Variants in STPG2 observed in about 807,000 individuals in gnomAD.
STPG2 encodes the protein sperm-tail PG-rich repeat-containing protein 2.
Under a neutral mutation model 54.2 loss-of-function variants are expected in STPG2, and 56 were observed. That is an observed-to-expected ratio of 1.03 (90% CI 0.83 to 1.29). The LOEUF (loss-of-function observed/expected upper bound fraction) is 1.29. Among genes scored for constraint, STPG2 ranks in the 50% most tolerant of loss-of-function variants. The probability of loss-of-function intolerance (pLI) is 0.00; values close to 1 mark genes in which losing one functional copy is unlikely to be tolerated. For missense variants in STPG2, 596 were observed against 544.9 expected (o/e 1.09, Z -0.93); for synonymous variants, 200 against 181.8 (o/e 1.10, Z -0.81).
At chr4:97,855,906 C>G (rs1729320088) in intron 8 of STPG2, among the ~76,000 whole-genome samples, 2 of 152,122 alleles carry the variant, frequency 1.3e-5, no homozygotes, top group South Asian at 4.1e-4. Flanking sequence ...CTTTTAGCAC[C>G]ATTTATTAAA....
chr4:97,929,784 C>G (rs1560595249), intron 8 of STPG2, among the ~76,000 whole-genome samples: 1 of 152,156 alleles, frequency 6.6e-6, no homozygotes, highest in Non-Finnish European at 1.5e-5. Flanking sequence ...AGACCTTTGT[C>G]AGACGGGTAG....
intron 4 of STPG2, among the ~76,000 whole-genome samples, chr4:97,507,531 A>G (rs971186639): frequency 1.3e-5 from 2 of 152,060 alleles, no homozygotes; most frequent in African/African-American, 4.8e-5. Flanking sequence ...AGTTGGTGCA[A>G]ATCCCACAGG....
intron 5 of STPG2, among the ~76,000 whole-genome samples, chr4:98,016,542 T>C (rs963960300): frequency 6.6e-6 from 1 of 152,210 alleles, no homozygotes. Context: ...AGTCTGCCAT[T>C]AGAGTTCTCT....
chr4:97,544,247 C>T (rs563632101), intron 4 of STPG2, among the ~76,000 whole-genome samples: 8 of 152,170 alleles, frequency 5.3e-5, no homozygotes, highest in Admixed American at 3.3e-4. Flanking sequence ...ATGGAGATAT[C>T]CGTAAAAGTA....
intron 9 of STPG2, among the ~76,000 whole-genome samples, chr4:97,818,067 T>G (rs1727969569): frequency 1.3e-5 from 2 of 151,970 alleles, no homozygotes; most frequent in Admixed American, 6.6e-5. Context: ...TTTTATATAC[T>G]GTTTGTACCT....
intron 9 of STPG2, among the ~76,000 whole-genome samples, chr4:97,742,687 C>T (rs2149038678): frequency 6.6e-6 from 1 of 150,932 alleles, no homozygotes; most frequent in East Asian, 1.9e-4. Context: ...GCAAATACTG[C>T]ATGATTTTGC....
At chr4:97,921,673 C>A (rs1732114545) in intron 8 of STPG2, among the ~76,000 whole-genome samples, 1 of 152,044 alleles carries the variant, frequency 6.6e-6, no homozygotes, top group East Asian at 1.9e-4. Context: ...GCATTATGCA[C>A]TTCCCAGAAG....
At chr4:98,019,517 T>C (rs1736100112) in intron 5 of STPG2, among the ~76,000 whole-genome samples, 1 of 151,906 alleles carries the variant, frequency 6.6e-6, no homozygotes, top group South Asian at 2.1e-4. Context: ...TTTGGTTCCA[T>C]ATGAACTTTA....
Position 97,962,904 on chromosome 4 carries a change from T to C in STPG2, c.933+9376A>G, listed in dbSNP as rs137986353. ...GGCTGGGTGTGGTGGCTCACGCCTA[T>C]AATCCCAGCACTTTGGGAAGCTGAG... On this transcript the variant is annotated intron_variant, in intron 7 of 10. Transcript: ENST00000295268. 5.7e-4 allele frequency among the ~76,000 whole-genome samples: 87 copies of C among 152,302 alleles called. No individual in the cohort carries two copies. In the East Asian group the frequency reaches 0.016, roughly 28 times the overall value.
At chr4:98,002,404 A>C (rs1326097792) in intron 5 of STPG2, among the ~76,000 whole-genome samples, 1 of 152,056 alleles carries the variant, frequency 6.6e-6, no homozygotes, top group African/African-American at 2.4e-5. Context: ...AGTGAACATA[A>C]TAAATTAGAA....
At chr4:97,540,837 T>C (rs1458430897) in intron 4 of STPG2, among the ~76,000 whole-genome samples, 1 of 151,884 alleles carries the variant, frequency 6.6e-6, no homozygotes, top group Non-Finnish European at 1.5e-5. Context: ...ACAAACATAA[T>C]CCAGCATATA....
intron 9 of STPG2, among the ~76,000 whole-genome samples, chr4:97,722,365 T>C (rs1724476407): frequency 6.6e-6 from 1 of 152,182 alleles, no homozygotes; most frequent in Non-Finnish European, 1.5e-5. Flanking sequence ...CATGCCAATA[T>C]GTTTTATAAA....
At chr4:97,515,459 GA>G (rs1231861715) in intron 4 of STPG2, among the ~76,000 whole-genome samples, 1 of 152,024 alleles carries the variant, frequency 6.6e-6, no homozygotes, top group Non-Finnish European at 1.5e-5. Context: ...TGGGAAAGCA[GA>G]AAAGGGAATT....
At chr4:97,807,895 T>C (rs1451582988) in intron 9 of STPG2, among the ~76,000 whole-genome samples, 1 of 151,992 alleles carries the variant, frequency 6.6e-6, no homozygotes, top group African/African-American at 2.4e-5. Context: ...TTTGGAAGCA[T>C]CATGAAAGCA....
chr4:97,613,475 CGTGTGTGTGTGTGTGT>C (rs70953075), intron 10 of STPG2, among the ~76,000 whole-genome samples: 2,318 of 142,336 alleles, frequency 0.016, 66 homozygotes, highest in African/African-American at 0.055. Context: ...AGTCATCACC[CGTGTGTGTGTGTGTGT>C]GTGTGTGTGT....
At chr4:97,557,678 G>A (rs191845423), downstream of STPG2, among the ~76,000 whole-genome samples, 12 of 152,288 alleles carry the variant, frequency 7.9e-5, no homozygotes, top group African/African-American at 2.9e-4. Context: ...TCTCAGGCAA[G>A]AGAAAGAGCT....
chr4:97,956,053 G>A (rs2149244118), intron 7 of STPG2, among the ~76,000 whole-genome samples: 1 of 151,816 alleles, frequency 6.6e-6, no homozygotes, highest in South Asian at 2.1e-4. Flanking sequence ...GCACAATAGA[G>A]AAATAAATAA....
intron 8 of STPG2, among the ~76,000 whole-genome samples, chr4:97,908,900 G>A (rs958933742): frequency 1.8e-4 from 27 of 151,070 alleles, no homozygotes; most frequent in African/African-American, 5.6e-4. Flanking sequence ...AGCATTGGGC[G>A]ATATACCTAA....
intron 1 of STPG2, among the ~76,000 whole-genome samples, chr4:98,137,136 A>G (rs981843867): frequency 6.6e-6 from 1 of 151,774 alleles, no homozygotes; most frequent in Non-Finnish European, 1.5e-5. Flanking sequence ...AAAAACAGAA[A>G]TTAAAAGGAT....
Sources: gnomAD v4.1 joint callset for allele counts (sites outside exome capture counted in the v4.1 genomes callset) on GRCh38, gnomAD v4.1.1 for gene constraint, MANE v1.5 for transcripts, NCBI Gene and HGNC (gene_info 2026-07-23, HGNC 2026-07-21) for gene names.